LRGUK: variants seen among roughly 807,000 people sequenced by gnomAD.
The protein encoded by LRGUK is leucine rich repeats and guanylate kinase domain containing, also known as leucine-rich repeat and guanylate kinase domain-containing protein.
A neutral mutation model predicts 76.0 loss-of-function variants in LRGUK; 65 were observed. That is an observed-to-expected ratio of 0.85 (90% CI 0.70 to 1.05). LRGUK has a LOEUF of 1.05. Among genes scored for constraint, LRGUK ranks in the 50% least tolerant of loss-of-function variants. The pLI, the probability that LRGUK is intolerant of heterozygous loss-of-function variation, is 0.00. For missense variants in LRGUK, 758 were observed against 732.8 expected, an observed-to-expected ratio of 1.03 and a Z score of -0.40; for synonymous variants, 268 against 265.6, an observed-to-expected ratio of 1.01 and a Z score of -0.09.
intron 11 of LRGUK, among the ~76,000 whole-genome samples, chr7:134,190,340 G>C (rs1021443464): frequency 7.2e-5 from 11 of 152,172 alleles, no homozygotes; most frequent in Non-Finnish European, 1.6e-4. Flanking sequence ...CTGAGCAGCT[G>C]AGACCACAGG....
chr7:134,226,301 C>T (rs1801760899), intron 16 of LRGUK, among the ~76,000 whole-genome samples: 1 of 151,104 alleles, frequency 6.6e-6, no homozygotes, highest in Admixed American at 6.6e-5. Flanking sequence ...ACCATTCCCA[C>T]TTATGTTAAA....
intron 10 of LRGUK, among the ~76,000 whole-genome samples, chr7:134,178,934 A>AAAAACC (rs1554464243): frequency 3.8e-5 from 3 of 78,134 alleles, no homozygotes; most frequent in Admixed American, 2.2e-4. Flanking sequence ...CTCAAAAAAA[A>AAAAACC]AAAAAAAAAA....
intron 19 of LRGUK, among the ~76,000 whole-genome samples, chr7:134,262,156 T>C (rs970563657): frequency 2.0e-5 from 3 of 151,894 alleles, no homozygotes; most frequent in African/African-American, 7.3e-5. Flanking sequence ...GGCAGATCAC[T>C]TGAGGTCAGG....
intron 16 of LRGUK, among the ~76,000 whole-genome samples, chr7:134,229,792 C>A (rs1176902209): frequency 6.6e-6 from 1 of 152,098 alleles, no homozygotes; most frequent in Non-Finnish European, 1.5e-5. Context: ...AGTGACACTG[C>A]TGAGCAGCAG....
intron 16 of LRGUK, among the ~76,000 whole-genome samples, chr7:134,239,322 G>A (rs1802081291): frequency 6.6e-6 from 1 of 152,198 alleles, no homozygotes; most frequent in Admixed American, 6.5e-5. Flanking sequence ...ATGACAGATG[G>A]TACCTGGAAA....
chr7:134,181,213 C>T (rs185786278), intron 10 of LRGUK, among the ~76,000 whole-genome samples: 2 of 152,230 alleles, frequency 1.3e-5, no homozygotes, highest in East Asian at 3.9e-4. Flanking sequence ...TCAGTATCCT[C>T]TGAATTCTTG....
At chr7:134,157,985 T>G in intron 5 of LRGUK, 50 bp from the exon 6 acceptor site, 1 of 1,557,946 alleles carries the variant, frequency 6.4e-7, no homozygotes, top group Non-Finnish European at 8.8e-7. Context: ...TCTTTTTTTC[T>G]TCCAAATGCT....
chr7:134,164,352 A>G (rs995060655), intron 7 of LRGUK, among the ~76,000 whole-genome samples: 3 of 152,164 alleles, frequency 2.0e-5, no homozygotes, highest in African/African-American at 7.2e-5. Context: ...TTATATACCA[A>G]TCTGCATGGT....
In LRGUK at chr7:134,255,981, G is replaced by C. The variant is rs1204826853; in HGVS notation, c.2199-2276G>C. On this transcript the variant is annotated intron_variant, in intron 18 of 19. Coordinates refer to the LRGUK transcript ENST00000285928. ...TGGTCCTGGAGTCATTGGCTGGTGAGATCCAGAAACATGGGCCAAAACAAG... is the reference window on the plus strand; with the variant it reads ...TGGTCCTGGAGTCATTGGCTGGTGACATCCAGAAACATGGGCCAAAACAAG... Among the ~76,000 whole-genome samples, 3 of 152,090 alleles carry C rather than the reference G, an allele frequency of 2.0e-5. No homozygotes were observed. The East Asian group carries it at 5.8e-4, about 29-fold the overall frequency.
chr7:134,148,142 A>G, intron 4 of LRGUK, 96 bp from the exon 5 acceptor site: 2 of 736,276 alleles, frequency 2.7e-6, no homozygotes, highest in South Asian at 1.6e-5. Context: ...TTCTAACTCT[A>G]CATTCAAAAA....
At chr7:134,187,206 G>A (rs1322828398) in intron 11 of LRGUK, among the ~76,000 whole-genome samples, 2 of 150,690 alleles carry the variant, frequency 1.3e-5, no homozygotes, top group African/African-American at 4.9e-5. Flanking sequence ...AAGCACATTC[G>A]CACATTCTCA....
At chr7:134,174,935 G>C (rs1401609691) in intron 8 of LRGUK, among the ~76,000 whole-genome samples, 1 of 152,102 alleles carries the variant, frequency 6.6e-6, no homozygotes, top group Non-Finnish European at 1.5e-5. Context: ...CTCATCCCCT[G>C]TGGTAAAGGT....
chr7:134,219,680 G>GTCTCTCTCTCTCTGTC (rs1262216543), intron 15 of LRGUK, among the ~76,000 whole-genome samples: 1 of 151,256 alleles, frequency 6.6e-6, no homozygotes, highest in Non-Finnish European at 1.5e-5. Flanking sequence ...CACCTCCTTT[G>GTCTCTCTCTCTCTGTC]TCTCTCTCTC....
chr7:134,273,744 G>T, the LRGUK span, among the ~76,000 whole-genome samples: 1 of 151,996 alleles, frequency 6.6e-6, no homozygotes, highest in East Asian at 1.9e-4. Flanking sequence ...TACTGATTAG[G>T]TTTACTATTG....
At chr7:134,219,193 G>T (rs527750070) in intron 15 of LRGUK, among the ~76,000 whole-genome samples, 126 of 152,206 alleles carry the variant, frequency 8.3e-4, no homozygotes, top group African/African-American at 2.8e-3. Context: ...AAGCTGTTTT[G>T]TCCATTGATG....
the LRGUK span, among the ~76,000 whole-genome samples, chr7:134,270,635 A>G: frequency 1.3e-5 from 2 of 152,244 alleles, no homozygotes; most frequent in African/African-American, 4.8e-5. Flanking sequence ...GTGTTATATT[A>G]CATGTATTCA....
the LRGUK span, among the ~76,000 whole-genome samples, chr7:134,274,829 C>A: frequency 7.9e-5 from 12 of 152,198 alleles, no homozygotes; most frequent in African/African-American, 2.6e-4. Context: ...CCTATCATTT[C>A]AATCTTATCT....
downstream of LRGUK, among the ~76,000 whole-genome samples, chr7:134,268,219 A>G (rs904233165): frequency 6.6e-6 from 1 of 152,090 alleles, no homozygotes; most frequent in Non-Finnish European, 1.5e-5. Flanking sequence ...TGGACTATCT[A>G]TTTAGTAAAA....
At chr7:134,229,040 C>T (rs1268908730) in intron 16 of LRGUK, among the ~76,000 whole-genome samples, 1 of 152,026 alleles carries the variant, frequency 6.6e-6, no homozygotes, top group Non-Finnish European at 1.5e-5. Flanking sequence ...AAATAAATTT[C>T]TATGTAATAG....
Sources: allele counts gnomAD v4.1 joint callset (sites outside exome capture counted in the v4.1 genomes callset), GRCh38; gene constraint gnomAD v4.1.1; transcripts MANE v1.5; gene names NCBI Gene and HGNC (gene_info 2026-07-23, HGNC 2026-07-21).